SIGLEC12: variants seen among roughly 807,000 people sequenced by gnomAD.
The protein encoded by SIGLEC12 is sialic acid binding Ig like lectin 12, also known as sialic acid-binding Ig-like lectin 12.
A neutral mutation model predicts 54.1 loss-of-function variants in SIGLEC12; 43 were observed. The observed-to-expected ratio is 0.80, with a 90% CI of 0.62 to 1.03. SIGLEC12 has a LOEUF of 1.03. SIGLEC12 is among the 50% of genes least tolerant of loss of function. The pLI, the probability that SIGLEC12 is intolerant of heterozygous loss-of-function variation, is 0.00. For missense variants in SIGLEC12, 802 were observed against 735.2 expected, an observed-to-expected ratio of 1.09 and a Z score of -1.05; for synonymous variants, 357 against 307.6, an observed-to-expected ratio of 1.16 and a Z score of -1.68.
Position 51,499,605 on chromosome 19 carries a change from A to G in SIGLEC12, c.920T>C (p.Ile307Thr). The G allele has an allele frequency of 6.2e-7, 1 of 1,613,184 alleles. No individual in the cohort carries two copies. The change falls in exon 3 of 8, where the codon ATC (isoleucine) becomes ACC (threonine). Residue 307 changes from isoleucine (I) to threonine (T), a missense_variant. Coordinates refer to ENST00000291707, the MANE Select transcript of SIGLEC12 (RefSeq NM_053003.4). The stretch of plus-strand genomic sequence containing the variant: ...GGACACGGAGGCCCCCATCCAGGTG[A>G]TCGTGGGGGGCGTCCCCTGTTCACA... ...WACEQGTPPTITWMGASVSSL... is the reference protein window; with the variant it reads ...WACEQGTPPTTTWMGASVSSL...
rs1990252773 is a variant in SIGLEC12 at position 51,496,877 on chromosome 19, C to T, written c.1599+3G>A. On this transcript the variant is annotated splice_donor_region_variant and intron_variant, in intron 7 of 7. Coordinates refer to ENST00000291707, the MANE Select transcript of SIGLEC12 (RefSeq NM_053003.4). ...GAAGGGCTGTGATTCAATGCTCACT[C>T]ACCTGAGAGGCTGAGCCCCTGACAG... The T allele has an allele frequency of 3.1e-6, 5 of 1,614,074 alleles. No homozygotes were observed. The highest frequency in any genetic ancestry group is 4.2e-6 in the Non-Finnish European group (5 of 1,179,940).
chr19:51,501,370 A>T lies in SIGLEC12; in HGVS notation c.364T>A (p.Cys122Ser). Residue 122 changes from cysteine (C) to serine (S), a missense_variant, in exon 1 of 8, where the codon TGT becomes AGT. By Grantham distance (112) the Cys-to-Ser change is moderately radical (BLOSUM62 -1). Coordinates refer to ENST00000291707, the MANE Select transcript of SIGLEC12 (RefSeq NM_053003.4). ...RESDAGTYVFCVERGNMKWNY... is the reference protein window; with the variant it reads ...RESDAGTYVFSVERGNMKWNY... ...CATTTCATATTTCCTCTCTCTACAC[A>T]AAAGACGTATGTCCCTGCATCACTC... The T allele has an allele frequency of 1.2e-6, 2 of 1,614,164 alleles. No homozygotes were observed. Among genetic ancestry groups the T allele is most frequent in the Non-Finnish European group, 1.7e-6 (2 of 1,180,034 alleles).
At chr19:51,496,782 G>T in intron 7 of SIGLEC12, 98 bp downstream of exon 7, 1 of 1,398,228 alleles carries the variant, frequency 7.2e-7, no homozygotes, top group Non-Finnish European at 1.0e-6. Context: ...TTTTTCGGCT[G>T]TAGGGGAAGA....
Position 51,491,547 on chromosome 19 carries a change from G to C in SIGLEC12, c.*94C>G, listed in dbSNP as rs1990099517. ...ATAAGTTCTGATGTCCTGTTGCACA[G>C]CATGGAGGGCTGTTAATTCTAAAGG... On this transcript the variant is annotated 3_prime_UTR_variant, in exon 8 of 8. Coordinates refer to ENST00000291707, the MANE Select transcript of SIGLEC12 (RefSeq NM_053003.4). The C allele has an allele frequency of 8.2e-7, 1 of 1,225,562 alleles. No homozygotes were observed. The allele number at this position is 1,225,562 out of a possible 1,614,324, so 75.9% of individuals were successfully genotyped here.
chr19:51,500,288 A>G lies in SIGLEC12; in HGVS notation c.440T>C (p.Leu147Pro). 1.2e-6 allele frequency: 2 copies of G among 1,614,166 alleles called. No individual in the cohort carries two copies. Among genetic ancestry groups the G allele is most frequent in the Admixed American group, 1.7e-5 (1 of 60,018 alleles). ...CACCTCCAGCCTGTATCTTGACAGT[A>G]GGTCCTGGGACGCTGTGGAGAAACG... ...LSVNVTASQD[L>P]LSRYRLEVPE... Residue 147 changes from leucine (L) to proline (P), a missense_variant, in exon 2 of 8, where the codon CTA becomes CCA. By Grantham distance (98) the Leu-to-Pro change is moderately conservative. Coordinates refer to ENST00000291707, the MANE Select transcript of SIGLEC12 (RefSeq NM_053003.4).
At position 51,491,822 on chromosome 19, in the gene SIGLEC12, A is replaced by T. The variant is rs777922212; in HGVS notation, c.1607T>A (p.Leu536Gln). The T allele has an allele frequency of 6.4e-7, 1 of 1,564,718 alleles. No homozygotes were observed. The highest frequency in any genetic ancestry group is 1.2e-5 in the South Asian group (1 of 83,260). ...GCTGTCATCTGCCGGGGATTCAATCAGGGGTCCCTGAATGGAGGAAGAGAA... is the reference window on the plus strand; with the variant it reads ...GCTGTCATCTGCCGGGGATTCAATCTGGGGTCCCTGAATGGAGGAAGAGAA... Reference protein sequence around the residue: ...AVRGSASQGPLIESPADDSPP... With the variant: ...AVRGSASQGPQIESPADDSPP... Residue 536 changes from leucine to glutamine, a missense_variant, in exon 8 of 8, where the codon CTG becomes CAG. By Grantham distance (113) the Leu-to-Gln change is moderately radical (BLOSUM62 -2). Coordinates refer to ENST00000291707, the MANE Select transcript of SIGLEC12 (RefSeq NM_053003.4).
intron 3 of SIGLEC12, 100 bp from the exon 4 acceptor site, chr19:51,499,317 C>T: frequency 6.4e-7 from 1 of 1,570,646 alleles, no homozygotes; most frequent in Non-Finnish European, 8.7e-7. Flanking sequence ...GAGCCAGCAT[C>T]CTCCTGACCC....
In SIGLEC12 at chr19:51,496,928, C is replaced by T. The variant is rs754957259; in HGVS notation, c.1551G>A (p.Gly517=). ...CGTTTGCGTCCTCCATGCCTGTATC[C>T]CCCACGCCCACTGCTGGCCTTGCCG... The part of the protein sequence containing the change: ...KKSARPAVGV[G]DTGMEDANAV... The change falls in exon 7 of 8, where the codon GGG becomes GGA. Residue 517 remains glycine (G), a synonymous_variant. Coordinates refer to ENST00000291707, the MANE Select transcript of SIGLEC12 (RefSeq NM_053003.4). 65 of 1,613,682 alleles carry T rather than the reference C, an allele frequency of 4.0e-5. No individual in the cohort carries two copies. In the Admixed American group the frequency reaches 6.3e-4, roughly 16 times the overall value.
chr19:51,500,529 A>C, intron 1 of SIGLEC12: 4 of 222,820 alleles, frequency 1.8e-5, no homozygotes, highest in Non-Finnish European at 3.0e-5. Context: ...ATAGGAACTC[A>C]TTCCCTCTGC....
At chr19:51,497,024 C>T in intron 6 of SIGLEC12, 48 bp from the exon 7 acceptor site, 3 of 1,611,796 alleles carry the variant, frequency 1.9e-6, no homozygotes, top group Non-Finnish European at 2.5e-6. Flanking sequence ...GATCGGGGTG[C>T]AGTGGGCAGA....
rs1384011777 is a variant in SIGLEC12 at position 51,500,103 on chromosome 19, T to C, written c.625A>G (p.Ser209Gly). 2.5e-6 allele frequency: 4 copies of C among 1,614,130 alleles called. No homozygotes were observed. Among genetic ancestry groups the C allele is most frequent in the South Asian group, 2.2e-5 (2 of 91,084 alleles). Residue 209 changes from serine (S) to glycine (G), a missense_variant, in exon 2 of 8, where the codon AGT becomes GGT. Ser to Gly is a moderately conservative substitution (Grantham distance 56, BLOSUM62 0). Coordinates refer to ENST00000291707, the MANE Select transcript of SIGLEC12 (RefSeq NM_053003.4). ...TGGGTATCCTCTTGCACTTTTCCAC[T>C]TGGGGTGTTTGTGGCCACTGGAATA... ...WDIPVATNTP[S>G]GKVQEDTHGR...
intron 6 of SIGLEC12, 136 bp from the exon 7 acceptor site, chr19:51,497,112 A>T: frequency 7.2e-7 from 1 of 1,397,430 alleles, no homozygotes; most frequent in Non-Finnish European, 9.9e-7. Flanking sequence ...CATTCCAGAG[A>T]CCCCAATGTC....
In SIGLEC12 at chr19:51,501,587, G is replaced by A; in HGVS notation, c.147C>T (p.Pro49=). The change falls in exon 1 of 8, where the codon CCC becomes CCT. Residue 49 remains proline, a synonymous_variant. Transcript: ENST00000291707. The part of the protein sequence containing the change: ...CVSVLCSFSY[P]QNGWTASDPV... ...GATCGGAGGCAGTCCAGCCATTTTG[G>A]GGGTAGGAGAAGGAGCAAAGCACAG... 3 of 1,613,986 alleles carry A rather than the reference G, an allele frequency of 1.9e-6. No homozygotes were observed. Among genetic ancestry groups the A allele is most frequent in the East Asian group, 2.2e-5 (1 of 44,880 alleles).
At chr19:51,499,024 G>T (rs1990316653) in intron 4 of SIGLEC12, 146 bp downstream of exon 4, 3 of 717,434 alleles carry the variant, frequency 4.2e-6, no homozygotes, top group Non-Finnish European at 7.3e-6. Context: ...ATGAGAAGGT[G>T]CTCAGGTGGC....
At chr19:51,496,533 A>C (rs1281517887) in intron 7 of SIGLEC12, among the ~76,000 whole-genome samples, 7 of 152,216 alleles carry the variant, frequency 4.6e-5, no homozygotes, top group African/African-American at 1.7e-4. Flanking sequence ...ATAAACCCAG[A>C]TTAGTGACAG....
At chr19:51,497,251 G>T in intron 6 of SIGLEC12, 98 bp downstream of exon 6, 1 of 1,135,824 alleles carries the variant, frequency 8.8e-7, no homozygotes, top group Non-Finnish European at 1.3e-6. Flanking sequence ...CTTGCTTCAA[G>T]CTCTTGACCC....
Position 51,497,935 on chromosome 19 carries a change from T to C in SIGLEC12, c.1405+83A>G, listed in dbSNP as rs536871800. On this transcript the variant is annotated intron_variant, in intron 5 of 7. Coordinates refer to ENST00000291707, the MANE Select transcript of SIGLEC12 (RefSeq NM_053003.4). ...AGCAAGAGGACTGTGATGCTGTGGG[T>C]TGCAGGGAAATTCCAGGTCTCCCAG... is the stretch of plus-strand genomic sequence containing the variant. The C allele has an allele frequency of 2.9e-4, 449 of 1,561,200 alleles. No homozygotes were observed. The African/African-American group carries it at 5.7e-3, about 20-fold the overall frequency.
rs774896262 is a variant in SIGLEC12 at position 51,497,354 on chromosome 19, G to A, written c.1497C>T (p.Phe499=). 23 of 1,612,880 alleles carry A rather than the reference G, an allele frequency of 1.4e-5. No individual in the cohort carries two copies. The highest frequency in any genetic ancestry group is 2.2e-5 in the South Asian group (2 of 91,050). The part of the protein sequence containing the change: ...ALVFLYFCII[F]VVVRSCRKKS... ...TCCCCAGGGTCAATGCTCACACAAC[G>A]AAGATGATGCAGAAGTACAGGAAGA... Residue 499 remains phenylalanine (F), a synonymous_variant, in exon 6 of 8, where the codon TTC becomes TTT. Coordinates refer to ENST00000291707, the MANE Select transcript of SIGLEC12 (RefSeq NM_053003.4).
chr19:51,493,360 T>G (rs1990155299), intron 7 of SIGLEC12, among the ~76,000 whole-genome samples: 1 of 152,210 alleles, frequency 6.6e-6, no homozygotes, highest in Non-Finnish European at 1.5e-5. Flanking sequence ...TGAGCTCTTC[T>G]TTACTTTTGC....
Sources: gnomAD v4.1 joint callset for allele counts (sites outside exome capture counted in the v4.1 genomes callset) on GRCh38, gnomAD v4.1.1 for gene constraint, MANE v1.5 for transcripts, NCBI Gene and HGNC (gene_info 2026-07-23, HGNC 2026-07-21) for gene names.